Variants in JMJD1C observed in about 807,000 individuals in gnomAD.
JMJD1C encodes jumonji domain-containing protein 1C.
In JMJD1C, 31 loss-of-function variants were observed where a neutral mutation model predicts 245.3. The ratio of observed to expected loss-of-function variants is 0.13; its 90% CI spans 0.09 to 0.17. The LOEUF is 0.17. Ranked by LOEUF, JMJD1C falls within the 10% of genes least tolerant of loss-of-function variation. JMJD1C has a pLI of 1.00. For synonymous variants in JMJD1C, 1,057 were observed against 1,017.4 expected, an observed-to-expected ratio of 1.04 and a Z score of -0.74; for missense variants, 2,691 against 3,000.2, an observed-to-expected ratio of 0.90 and a Z score of 2.41.
At chr10:63,469,249 C>T (rs1302608032), upstream of JMJD1C, among the ~76,000 whole-genome samples, 3 of 152,146 alleles carry the variant, frequency 2.0e-5, no homozygotes, top group East Asian at 5.8e-4. Context: ...TCTTTTTAGC[C>T]ACCACTTATA....
At chr10:63,280,076 G>A (rs900263822) in intron 2 of JMJD1C, among the ~76,000 whole-genome samples, 7 of 151,694 alleles carry the variant, frequency 4.6e-5, no homozygotes, top group South Asian at 4.2e-4. Flanking sequence ...ACTTGAACCC[G>A]GGAGGCAGAG....
intron 1 of JMJD1C, among the ~76,000 whole-genome samples, chr10:63,498,053 T>C (rs577882684): frequency 6.6e-6 from 1 of 152,176 alleles, no homozygotes; most frequent in East Asian, 1.9e-4. Context: ...TATCAAAGAG[T>C]GATACGGTCT....
intron 1 of JMJD1C, chr10:63,427,278 G>A: frequency 3.0e-6 from 1 of 328,986 alleles, no homozygotes; most frequent in East Asian, 1.0e-4. Flanking sequence ...GAACTCTGGA[G>A]CCCACTCCAG....
chr10:63,262,319 G>A (rs1854880655), intron 3 of JMJD1C, among the ~76,000 whole-genome samples: 1 of 151,748 alleles, frequency 6.6e-6, no homozygotes. Context: ...GAACATTTCT[G>A]TATTTCATAA....
intron 2 of JMJD1C, among the ~76,000 whole-genome samples, chr10:63,375,173 T>C (rs1259341994): frequency 7.4e-6 from 1 of 134,474 alleles, no homozygotes; most frequent in Non-Finnish European, 1.6e-5. Context: ...AATCAACACA[T>C]AAAAATTGGC....
chr10:63,334,907 C>T (rs1184676833), intron 2 of JMJD1C, among the ~76,000 whole-genome samples: 1 of 151,726 alleles, frequency 6.6e-6, no homozygotes, highest in Non-Finnish European at 1.5e-5. Flanking sequence ...AGGGTTTCAC[C>T]ATGTTGGCCA....
chr10:63,191,368 A>T (rs1395227975), intron 16 of JMJD1C, among the ~76,000 whole-genome samples: 1 of 152,110 alleles, frequency 6.6e-6, no homozygotes, highest in Admixed American at 6.5e-5. Context: ...TCCTGACCTC[A>T]AATGATCTGC....
chr10:63,168,215 AT>A (rs540244038), intron 25 of JMJD1C, 81 bp from the exon 26 acceptor site: 2 of 1,179,790 alleles, frequency 1.7e-6, no homozygotes, highest in Non-Finnish European at 2.5e-6. Context: ...ATTTAAAAAA[AT>A]AATAGGGAAC....
chr10:63,274,302 C>T (rs900210112), intron 2 of JMJD1C, among the ~76,000 whole-genome samples: 8 of 152,194 alleles, frequency 5.3e-5, no homozygotes, highest in African/African-American at 1.9e-4. Flanking sequence ...CAGTGGTTCA[C>T]GCCTGTAATC....
chr10:63,282,939 G>C (rs1194316885), intron 2 of JMJD1C, among the ~76,000 whole-genome samples: 1 of 152,120 alleles, frequency 6.6e-6, no homozygotes, highest in Non-Finnish European at 1.5e-5. Context: ...GATGGCCTCG[G>C]TCTCCTGACC....
intron 3 of JMJD1C, among the ~76,000 whole-genome samples, chr10:63,229,204 A>G (rs1849671872): frequency 6.6e-6 from 1 of 152,182 alleles, no homozygotes; most frequent in Non-Finnish European, 1.5e-5. Flanking sequence ...GATTTCACAT[A>G]ATTAAAAGCA....
At chr10:63,401,095 G>A (rs145456657) in intron 1 of JMJD1C, among the ~76,000 whole-genome samples, 4,257 of 152,258 alleles carry the variant, frequency 0.028, 83 homozygotes, top group Non-Finnish European at 0.044. Flanking sequence ...TTCACCTCAG[G>A]TGATTCACCC....
At chr10:63,339,399 C>T (rs1258131706) in intron 2 of JMJD1C, among the ~76,000 whole-genome samples, 1 of 152,072 alleles carries the variant, frequency 6.6e-6, no homozygotes, top group Non-Finnish European at 1.5e-5. Flanking sequence ...TGCATATACA[C>T]GGTATGAGAA....
At chr10:63,197,604 C>T (rs1389635167) in intron 12 of JMJD1C, 41 bp from the exon 13 acceptor site, 26 of 1,467,992 alleles carry the variant, frequency 1.8e-5, no homozygotes, top group Admixed American at 1.3e-4. Context: ...GGCAAACATG[C>T]TCTTTTCCAA....
chr10:63,323,352 C>T (rs1276440356), intron 2 of JMJD1C, among the ~76,000 whole-genome samples: 1 of 152,036 alleles, frequency 6.6e-6, no homozygotes, highest in Non-Finnish European at 1.5e-5. Flanking sequence ...GGTGAAATCC[C>T]ACCTCTACTA....
At chr10:63,453,671 C>G (rs555145806) in intron 1 of JMJD1C, among the ~76,000 whole-genome samples, 1 of 152,090 alleles carries the variant, frequency 6.6e-6, no homozygotes, top group Middle Eastern at 3.2e-3. Flanking sequence ...GAATAATGTA[C>G]TATAAGTAGT....
chr10:63,271,785 A>G (rs1856331263), intron 2 of JMJD1C, among the ~76,000 whole-genome samples: 1 of 152,204 alleles, frequency 6.6e-6, no homozygotes, highest in Non-Finnish European at 1.5e-5. Flanking sequence ...CTCCAGAAGT[A>G]TCAATTTCAT....
chr10:63,231,780 C>T (rs577476042), intron 3 of JMJD1C, among the ~76,000 whole-genome samples: 2 of 152,176 alleles, frequency 1.3e-5, no homozygotes, highest in East Asian at 1.9e-4. Flanking sequence ...GGCGACAGAG[C>T]GAGACTCCGT....
intron 5 of JMJD1C, 44 bp from the exon 6 acceptor site, chr10:63,215,740 G>A: frequency 7.6e-7 from 1 of 1,314,720 alleles, no homozygotes; most frequent in Non-Finnish European, 1.0e-6. Flanking sequence ...AATAGAATGA[G>A]CTAATCAAAT....
Sources: allele counts gnomAD v4.1 joint callset (sites outside exome capture counted in the v4.1 genomes callset), GRCh38; gene constraint gnomAD v4.1.1; transcripts MANE v1.5; gene names NCBI Gene and HGNC (gene_info 2026-07-23, HGNC 2026-07-21).